Variants in MED12L observed in about 807,000 individuals in gnomAD.
The protein encoded by MED12L is mediator of RNA polymerase II transcription subunit 12-like protein.
In MED12L, 60 loss-of-function variants were observed where a neutral mutation model predicts 281.3. The observed-to-expected ratio is 0.21, with a 90% CI of 0.17 to 0.26. The LOEUF is 0.26. Ranked by LOEUF, MED12L falls within the 10% of genes least tolerant of loss-of-function variation. The probability of loss-of-function intolerance (pLI) is 1.00; values close to 1 mark genes in which losing one functional copy is unlikely to be tolerated. For synonymous variants in MED12L, 974 were observed against 987.2 expected (o/e 0.99, Z 0.25); for missense variants, 2,146 against 2,680.9 (o/e 0.80, Z 4.41).
intron 5 of MED12L, among the ~76,000 whole-genome samples, chr3:151,135,962 T>C (rs1180848806): frequency 6.6e-6 from 1 of 152,170 alleles, no homozygotes; most frequent in Non-Finnish European, 1.5e-5. Flanking sequence ...ATGAGGTCTT[T>C]TTTGGGGGAA....
At chr3:151,338,480 G>A in intron 16 of MED12L, 4 of 1,613,910 alleles carry the variant, frequency 2.5e-6, no homozygotes, top group Non-Finnish European at 3.4e-6. Context: ...TCTTCTGGTA[G>A]CGATCGATAG....
At chr3:151,293,735 C>T (rs554011992) in intron 16 of MED12L, among the ~76,000 whole-genome samples, 2 of 151,724 alleles carry the variant, frequency 1.3e-5, no homozygotes, top group South Asian at 4.2e-4. Flanking sequence ...TAAAAAATCC[C>T]CACACAGAGA....
rs940322488 is a variant in MED12L, at chr3:151,329,853, A to C, written c.2251-20206A>C. On this transcript the variant is annotated intron_variant, in intron 16 of 44. Coordinates refer to ENST00000687756, the MANE Select transcript of MED12L (RefSeq NM_001393769.1). Reference sequence around the variant, plus strand: ...GATGAAGAAAATAGTCCCAAATTACAATCAAGTAGGAGAATAAGACTACCT... The same window carrying C: ...GATGAAGAAAATAGTCCCAAATTACCATCAAGTAGGAGAATAAGACTACCT... 1.2e-4 allele frequency among the ~76,000 whole-genome samples: 18 copies of C among 152,322 alleles called. No homozygotes were observed. In the South Asian group the frequency reaches 1.9e-3, roughly 16 times the overall value.
intron 8 of MED12L, among the ~76,000 whole-genome samples, chr3:151,161,855 A>C (rs889879877): frequency 3.9e-5 from 6 of 152,124 alleles, no homozygotes; most frequent in Non-Finnish European, 5.9e-5. Flanking sequence ...CAATGTGTAG[A>C]GTATTGGAGA....
chr3:151,135,893 T>C (rs932655979), intron 5 of MED12L, among the ~76,000 whole-genome samples: 2 of 152,186 alleles, frequency 1.3e-5, no homozygotes, highest in Admixed American at 1.3e-4. Flanking sequence ...CAGCCTTAAT[T>C]CTGCCTAGGA....
intron 16 of MED12L, among the ~76,000 whole-genome samples, chr3:151,283,150 T>TA (rs1743032848): frequency 6.6e-6 from 1 of 152,202 alleles, no homozygotes; most frequent in Non-Finnish European, 1.5e-5. Context: ...GTAACAGTTT[T>TA]TAAAAAAATT....
chr3:151,171,270 G>A (rs1220730718), intron 11 of MED12L, among the ~76,000 whole-genome samples: 1 of 152,144 alleles, frequency 6.6e-6, no homozygotes, highest in Non-Finnish European at 1.5e-5. Flanking sequence ...TCACCTCTGA[G>A]CAGCTGGAGG....
At chr3:151,424,468 A>G (rs942937659) in intron 43 of MED12L, among the ~76,000 whole-genome samples, 22 of 152,018 alleles carry the variant, frequency 1.4e-4, no homozygotes, top group Admixed American at 1.4e-3. Context: ...AAATACAAAA[A>G]ATTAGCTGGG....
chr3:151,202,787 T>G (rs1434602348), intron 16 of MED12L, among the ~76,000 whole-genome samples: 1 of 152,190 alleles, frequency 6.6e-6, no homozygotes, highest in Admixed American at 6.5e-5. Flanking sequence ...TTAAGGCCTG[T>G]TGTTCCCTGT....
intron 5 of MED12L, among the ~76,000 whole-genome samples, chr3:151,141,606 G>A (rs535906560): frequency 2.8e-4 from 42 of 152,254 alleles, no homozygotes; most frequent in African/African-American, 9.1e-4. Context: ...AAAGTTTTCT[G>A]TAGTAGTAAA....
At chr3:151,183,218 T>G (rs1722906403) in intron 11 of MED12L, among the ~76,000 whole-genome samples, 1 of 152,216 alleles carries the variant, frequency 6.6e-6, no homozygotes, top group Non-Finnish European at 1.5e-5. Context: ...GTTAACAGTG[T>G]GACTATATGA....
At chr3:151,278,625 A>G in intron 16 of MED12L, among the ~76,000 whole-genome samples, 1 of 152,156 alleles carries the variant, frequency 6.6e-6, no homozygotes. Context: ...TCCCTACATC[A>G]TCTGATGCAC....
chr3:151,262,298 A>G (rs1337635171), intron 16 of MED12L, among the ~76,000 whole-genome samples: 1 of 152,230 alleles, frequency 6.6e-6, no homozygotes, highest in Non-Finnish European at 1.5e-5. Flanking sequence ...GGATTTGAGA[A>G]TTTGATTATT....
chr3:151,090,218 T>G (rs1386585285), intron 2 of MED12L, among the ~76,000 whole-genome samples: 4 of 152,126 alleles, frequency 2.6e-5, no homozygotes, highest in Non-Finnish European at 5.9e-5. Context: ...TACTTCATTT[T>G]CCTTCCATAT....
At chr3:151,351,434 C>T (rs1472220982) in intron 17 of MED12L, among the ~76,000 whole-genome samples, 1 of 152,166 alleles carries the variant, frequency 6.6e-6, no homozygotes, top group African/African-American at 2.4e-5. Flanking sequence ...CTTTGAAATA[C>T]CTCAGCTCTC....
chr3:151,400,101 A>C (rs1299659167), intron 39 of MED12L, among the ~76,000 whole-genome samples: 1 of 151,964 alleles, frequency 6.6e-6, no homozygotes, highest in East Asian at 2.0e-4. Flanking sequence ...TGCTGGGATT[A>C]TAGGCGCGAG....
In MED12L at chr3:151,245,848, C is replaced by T. The variant is rs1195283799; in HGVS notation, c.2250+52182C>T. Among the ~76,000 whole-genome samples the T allele has an allele frequency of 4.6e-5, 7 of 151,480 alleles. No homozygotes were observed. The East Asian group carries it at 9.7e-4, about 21-fold the overall frequency. ...TCAAATTGTCCCTGTTTGCAGACGA[C>T]ATGATTGTATATCTAGAAAACCCCA... On this transcript the variant is annotated intron_variant, in intron 16 of 44. Transcript: ENST00000687756.
chr3:151,388,378 C>T (rs575045280), intron 37 of MED12L, among the ~76,000 whole-genome samples: 22 of 152,318 alleles, frequency 1.4e-4, no homozygotes, highest in Admixed American at 7.8e-4. Context: ...CCGTCCTCCA[C>T]TTTTAATAAT....
At chr3:151,368,657 T>TTCATTTCATTTCATG (rs1560087173) in intron 25 of MED12L, among the ~76,000 whole-genome samples, 7 of 61,304 alleles carry the variant, frequency 1.1e-4, no homozygotes, top group Non-Finnish European at 2.2e-4. Context: ...TTCATTTCAT[T>TTCATTTCATTTCATG]TCATTTCATT....
Sources: gnomAD v4.1 joint callset for allele counts (sites outside exome capture counted in the v4.1 genomes callset) on GRCh38, gnomAD v4.1.1 for gene constraint, MANE v1.5 for transcripts, NCBI Gene and HGNC (gene_info 2026-07-23, HGNC 2026-07-21) for gene names.